Variants in LOXHD1 observed in about 807,000 individuals in gnomAD.
LOXHD1 encodes lipoxygenase homology PLAT domains 1.
A neutral mutation model predicts 248.2 loss-of-function variants in LOXHD1; 205 were observed. The observed-to-expected ratio is 0.83, with a 90% CI of 0.74 to 0.93. The LOEUF (loss-of-function observed/expected upper bound fraction) is 0.93. Among genes scored for constraint, LOXHD1 ranks in the 40% least tolerant of loss-of-function variants. LOXHD1 has a pLI of 0.00. For missense variants in LOXHD1, 2,930 were observed against 2,971.6 expected, an observed-to-expected ratio of 0.99 and a Z score of 0.33; for synonymous variants, 1,113 against 1,162.8, an observed-to-expected ratio of 0.96 and a Z score of 0.87.
chr18:46,652,824 T>C (rs2039128774), intron 1 of LOXHD1, among the ~76,000 whole-genome samples: 1 of 152,230 alleles, frequency 6.6e-6, no homozygotes, highest in African/African-American at 2.4e-5. Context: ...CAGTGGTGTA[T>C]GTATCAAATG....
intron 29 of LOXHD1, among the ~76,000 whole-genome samples, chr18:46,528,294 GA>G (rs1442834602): frequency 1.3e-5 from 2 of 152,080 alleles, no homozygotes; most frequent in African/African-American, 2.4e-5. Flanking sequence ...GCATGGAGAG[GA>G]GAAGGAAAGG....
At chr18:46,561,459 ACTCAGGGTAGGG>A (rs1176614910) in intron 18 of LOXHD1, among the ~76,000 whole-genome samples, 1 of 152,092 alleles carries the variant, frequency 6.6e-6, no homozygotes, top group Non-Finnish European at 1.5e-5. Context: ...CCCCTGCAGC[ACTCAGGGTAGGG>A]CTCACATGGG....
chr18:46,637,481 G>A (rs2038907241), intron 4 of LOXHD1, among the ~76,000 whole-genome samples: 3 of 152,186 alleles, frequency 2.0e-5, no homozygotes, highest in Admixed American at 2.0e-4. Context: ...GTTTGACAGT[G>A]TGCTAACGAT....
At chr18:46,629,218 G>T (rs1359169066) in intron 4 of LOXHD1, among the ~76,000 whole-genome samples, 1 of 152,184 alleles carries the variant, frequency 6.6e-6, no homozygotes, top group South Asian at 2.1e-4. Context: ...ACTGAGATCT[G>T]CCCCAGGTCT....
At chr18:46,528,968 T>A (rs2144216676) in intron 29 of LOXHD1, among the ~76,000 whole-genome samples, 1 of 151,798 alleles carries the variant, frequency 6.6e-6, no homozygotes, top group African/African-American at 2.4e-5. Flanking sequence ...CTCCACCTCA[T>A]CCCCTATGCA....
chr18:46,555,875 A>G (rs1360063544), intron 21 of LOXHD1, among the ~76,000 whole-genome samples: 1 of 151,988 alleles, frequency 6.6e-6, no homozygotes, highest in African/African-American at 2.4e-5. Flanking sequence ...GGAAGACATA[A>G]CACTCTCTTC....
At chr18:46,622,188 G>A (rs1285015929) in intron 4 of LOXHD1, among the ~76,000 whole-genome samples, 1 of 152,146 alleles carries the variant, frequency 6.6e-6, no homozygotes, top group African/African-American at 2.4e-5. Flanking sequence ...GCACCAGATA[G>A]GAAATATTTT....
At chr18:46,578,853 G>T (rs1347664484) in intron 13 of LOXHD1, among the ~76,000 whole-genome samples, 2 of 152,228 alleles carry the variant, frequency 1.3e-5, no homozygotes, top group Non-Finnish European at 2.9e-5. Context: ...CCACAGGTAG[G>T]CATCCTTTCC....
chr18:46,587,110 C>A (rs1222247213), intron 12 of LOXHD1, among the ~76,000 whole-genome samples: 1 of 152,174 alleles, frequency 6.6e-6, no homozygotes, highest in East Asian at 1.9e-4. Context: ...CCTCATAGGG[C>A]CACAGCACCT....
Position 46,477,811 on chromosome 18 carries a change from T to C in LOXHD1, c.6483A>G (p.Thr2161=), listed in dbSNP as rs568443351. The part of the protein sequence containing the change: ...LVPVKYEVIV[T]TGYEPGAGTD... ...TGCCTGCCCCTGGCTCATAGCCTGT[T>C]GTCACGATGACTTCGTACTTGACGG... The change falls in exon 41 of 41, where the codon ACA becomes ACG. Residue 2161 remains threonine (T), a synonymous_variant. Transcript: ENST00000642948. The C allele has an allele frequency of 8.3e-5, 129 of 1,551,858 alleles. No homozygotes were observed. The highest frequency in any genetic ancestry group is 1.1e-4 in the Non-Finnish European group (123 of 1,147,026).
intron 7 of LOXHD1, among the ~76,000 whole-genome samples, chr18:46,603,586 C>T (rs1469594989): frequency 6.6e-6 from 1 of 152,170 alleles, no homozygotes; most frequent in African/African-American, 2.4e-5. Flanking sequence ...CAGGTTAGGG[C>T]TTTAGGAAGC....
chr18:46,619,017 T>G (rs138776319), intron 4 of LOXHD1, among the ~76,000 whole-genome samples: 1 of 152,224 alleles, frequency 6.6e-6, no homozygotes, highest in African/African-American at 2.4e-5. Context: ...CTTGGTAAAC[T>G]TGACATGATG....
At position 46,569,655 on chromosome 18, in the gene LOXHD1, A is replaced by AGAGG; in HGVS notation, c.2048-21_2048-18dup. 1 of 1,540,314 alleles carries AGAGG rather than the reference A, an allele frequency of 6.5e-7. No individual in the cohort carries two copies. Among genetic ancestry groups the AGAGG allele is most frequent in the Middle Eastern group, 1.7e-4 (1 of 5,886 alleles). ...AGCGAAAGTCTGAACAGCCCAAGGCAGAGGGAGGAAGGGAAGGGGTTAGTG... is the reference window on the plus strand; with the variant it reads ...AGCGAAAGTCTGAACAGCCCAAGGCAGAGGGAGGGAGGAAGGGAAGGGGTTAGTG... On this transcript the variant is annotated splice_polypyrimidine_tract_variant and intron_variant, in intron 15 of 40. Coordinates refer to ENST00000642948, the MANE Select transcript of LOXHD1 (RefSeq NM_001384474.1).
chr18:46,533,655 G>A, intron 27 of LOXHD1: 2 of 325,446 alleles, frequency 6.1e-6, no homozygotes, highest in Admixed American at 4.5e-5. Context: ...TGGGCATGGT[G>A]GCTCATGCCT....
At chr18:46,549,461 C>T (rs566876517) in intron 21 of LOXHD1, among the ~76,000 whole-genome samples, 1 of 152,226 alleles carries the variant, frequency 6.6e-6, no homozygotes, top group South Asian at 2.1e-4. Flanking sequence ...TAAATCCTGG[C>T]AGAGTGGTGT....
intron 4 of LOXHD1, among the ~76,000 whole-genome samples, chr18:46,626,580 G>C (rs1280718617): frequency 1.3e-5 from 2 of 152,136 alleles, no homozygotes; most frequent in African/African-American, 4.8e-5. Context: ...AAGATGATTT[G>C]AGGCTATAAT....
At chr18:46,572,297 T>C (rs905642828) in intron 14 of LOXHD1, 135 bp from the exon 15 acceptor site, 7 of 790,968 alleles carry the variant, frequency 8.8e-6, no homozygotes, top group African/African-American at 1.7e-5. Flanking sequence ...TATGGGAGCA[T>C]CTAGCAAAAC....
intron 12 of LOXHD1, among the ~76,000 whole-genome samples, chr18:46,584,241 G>C (rs1252950192): frequency 6.6e-6 from 1 of 152,016 alleles, no homozygotes; most frequent in African/African-American, 2.4e-5. Context: ...GAGGGGGGAG[G>C]AGAGGATGGG....
intron 12 of LOXHD1, among the ~76,000 whole-genome samples, chr18:46,580,521 TG>T (rs1364796156): frequency 1.3e-5 from 2 of 152,184 alleles, no homozygotes; most frequent in Non-Finnish European, 2.9e-5. Context: ...TAAAGTAAGC[TG>T]AAAAGTAAAA....
Sources: gnomAD v4.1 joint callset for allele counts (sites outside exome capture counted in the v4.1 genomes callset) on GRCh38, gnomAD v4.1.1 for gene constraint, MANE v1.5 for transcripts, NCBI Gene and HGNC (gene_info 2026-07-23, HGNC 2026-07-21) for gene names.